The following ARHGAP24 variants were observed in gnomAD, a reference collection of about 807,000 sequenced individuals.
ARHGAP24 encodes the protein rho GTPase-activating protein 24.
A neutral mutation model predicts 76.4 loss-of-function variants in ARHGAP24; 50 were observed. That is an observed-to-expected ratio of 0.65 (90% CI 0.52 to 0.83). The LOEUF (loss-of-function observed/expected upper bound fraction) is 0.83. Among genes scored for constraint, ARHGAP24 ranks in the 40% least tolerant of loss-of-function variants. The pLI is 0.00. For missense variants in ARHGAP24, 930 were observed against 914.2 expected, an observed-to-expected ratio of 1.02 and a Z score of -0.22; for synonymous variants, 345 against 323.3, an observed-to-expected ratio of 1.07 and a Z score of -0.72.
chr4:85,614,237 T>C (rs1720478668), intron 2 of ARHGAP24, among the ~76,000 whole-genome samples: 1 of 152,152 alleles, frequency 6.6e-6, no homozygotes. Flanking sequence ...ATAGACACTA[T>C]GGAGATGGCC....
At chr4:85,771,834 C>G (rs1259500402) in intron 3 of ARHGAP24, among the ~76,000 whole-genome samples, 1 of 152,056 alleles carries the variant, frequency 6.6e-6, no homozygotes, top group Non-Finnish European at 1.5e-5. Context: ...CTCAGCCTCC[C>G]AAGTATGTGG....
In ARHGAP24 at chr4:85,859,275, A is replaced by G. The variant is rs571744833; in HGVS notation, c.269-64373A>G. Among the ~76,000 whole-genome samples the G allele has an allele frequency of 4.0e-5, 6 of 151,236 alleles. No homozygotes were observed. In the East Asian group the frequency reaches 1.2e-3, roughly 30 times the overall value. On this transcript the variant is annotated intron_variant, in intron 3 of 9. Coordinates refer to ENST00000395184, the MANE Select transcript of ARHGAP24 (RefSeq NM_001025616.3). ...GCTTGGGCTGTATGCCTTCCTTGAG[A>G]ACAGCTTGGTTTCATTCGCTACAGA...
At chr4:85,754,444 A>G (rs549824653) in intron 3 of ARHGAP24, among the ~76,000 whole-genome samples, 1 of 152,338 alleles carries the variant, frequency 6.6e-6, no homozygotes, top group East Asian at 1.9e-4. Flanking sequence ...ACTCCCATTG[A>G]CAATGCACAG....
intron 3 of ARHGAP24, among the ~76,000 whole-genome samples, chr4:85,818,052 G>T (rs11947421): frequency 1.3e-5 from 2 of 152,186 alleles, no homozygotes; most frequent in Non-Finnish European, 2.9e-5. Flanking sequence ...AAAATATGCA[G>T]ATGGTTTAAA....
chr4:85,604,410 A>G (rs1720126063), intron 2 of ARHGAP24: 1 of 152,240 alleles, frequency 6.6e-6, no homozygotes. Context: ...TAAACTTGAA[A>G]TTACATGATT....
At chr4:85,859,212 T>TAC (rs10645010) in intron 3 of ARHGAP24, among the ~76,000 whole-genome samples, 76,520 of 145,304 alleles carry the variant, frequency 0.53, 20,604 homozygotes, top group East Asian at 0.82. Flanking sequence ...GCCACATGCA[T>TAC]ACACACACAC....
intron 3 of ARHGAP24, among the ~76,000 whole-genome samples, chr4:85,745,679 G>A (rs1726005834): frequency 6.6e-6 from 1 of 151,618 alleles, no homozygotes; most frequent in Non-Finnish European, 1.5e-5. Context: ...GACATAAAAA[G>A]TGAATAAAAC....
chr4:85,745,995 T>C lies in ARHGAP24; in HGVS notation c.268+24023T>C, dbSNP rs186447929. Among the ~76,000 whole-genome samples the C allele has an allele frequency of 4.6e-3, 704 of 152,356 alleles. 4 individuals are homozygous for C. The highest frequency in any genetic ancestry group is 7.2e-3 in the Non-Finnish European group (490 of 68,032). ...CATGCCAGCAATTGAACACATTTAC[T>C]GTTAAAGGCAATTTGATGTAAGTTA... On this transcript the variant is annotated intron_variant, in intron 3 of 9. Transcript: ENST00000395184.
At chr4:85,481,713 C>T (rs2110087407) in intron 1 of ARHGAP24, among the ~76,000 whole-genome samples, 1 of 152,178 alleles carries the variant, frequency 6.6e-6, no homozygotes, top group East Asian at 1.9e-4. Flanking sequence ...GTCCTGGGAG[C>T]ACTGTGAGCA....
At chr4:85,524,580 T>C (rs1167215391) in intron 1 of ARHGAP24, among the ~76,000 whole-genome samples, 1 of 152,134 alleles carries the variant, frequency 6.6e-6, no homozygotes. Flanking sequence ...GGAGACAGGT[T>C]GGAGAGGATA....
At chr4:85,658,888 A>G (rs892015476) in intron 2 of ARHGAP24, among the ~76,000 whole-genome samples, 2 of 152,314 alleles carry the variant, frequency 1.3e-5, no homozygotes, top group South Asian at 2.1e-4. Flanking sequence ...TCAAGGTGAG[A>G]GCAGCAGAGG....
intron 1 of ARHGAP24, among the ~76,000 whole-genome samples, chr4:85,538,815 G>T (rs1469198238): frequency 1.3e-5 from 2 of 151,986 alleles, no homozygotes; most frequent in Non-Finnish European, 2.9e-5. Context: ...AACAAATTTT[G>T]ATTTCTATCA....
intron 5 of ARHGAP24, among the ~76,000 whole-genome samples, chr4:85,945,685 G>A (rs537482650): frequency 1.3e-3 from 203 of 150,796 alleles, no homozygotes; most frequent in Non-Finnish European, 2.7e-3. Flanking sequence ...TCTTGAACCC[G>A]GGAGGCAGAG....
intron 6 of ARHGAP24, among the ~76,000 whole-genome samples, chr4:85,973,155 G>A (rs916401978): frequency 6.6e-6 from 1 of 152,152 alleles, no homozygotes; most frequent in African/African-American, 2.4e-5. Context: ...CACCAGCAAT[G>A]AGCGCAGATT....
At chr4:85,931,005 A>T (rs1427551733) in intron 4 of ARHGAP24, 29 of 1,613,908 alleles carry the variant, frequency 1.8e-5, no homozygotes, top group Non-Finnish European at 2.4e-5. Context: ...CTAAAACTAC[A>T]TACAGAAGAA....
chr4:85,930,514 T>A, intron 4 of ARHGAP24: 1 of 1,007,686 alleles, frequency 9.9e-7, no homozygotes, highest in Non-Finnish European at 1.2e-6. Flanking sequence ...TGCACAGAGC[T>A]ATTTGCTGAC....
intron 4 of ARHGAP24, among the ~76,000 whole-genome samples, chr4:85,933,763 T>C (rs1195931447): frequency 6.6e-6 from 1 of 152,208 alleles, no homozygotes; most frequent in Non-Finnish European, 1.5e-5. Context: ...GTCTGAGCAC[T>C]TGGGTCTAGT....
intron 2 of ARHGAP24, among the ~76,000 whole-genome samples, chr4:85,662,759 A>G (rs1237751744): frequency 6.6e-6 from 1 of 152,162 alleles, no homozygotes; most frequent in Non-Finnish European, 1.5e-5. Context: ...TCCCAGCACC[A>G]TTTATTAAAC....
At chr4:85,512,184 G>A (rs530939849) in intron 1 of ARHGAP24, among the ~76,000 whole-genome samples, 2 of 152,308 alleles carry the variant, frequency 1.3e-5, no homozygotes, top group African/African-American at 4.8e-5. Context: ...TTTCCTCCAC[G>A]AAGTAACTAT....
Sources: allele counts gnomAD v4.1 joint callset (sites outside exome capture counted in the v4.1 genomes callset), GRCh38; gene constraint gnomAD v4.1.1; transcripts MANE v1.5; gene names NCBI Gene and HGNC (gene_info 2026-07-23, HGNC 2026-07-21).